Variants in AIM2 observed in about 807,000 individuals in gnomAD.
AIM2 encodes absent in melanoma 2.
Under a neutral mutation model 27.7 loss-of-function variants are expected in AIM2, and 30 were observed. The ratio of observed to expected loss-of-function variants is 1.08; its 90% CI spans 0.81 to 1.47. The LOEUF (loss-of-function observed/expected upper bound fraction) is 1.47, where lower values mean the gene tolerates loss of function less well. Ranked by LOEUF, AIM2 falls within the 40% of genes most tolerant of loss-of-function variation. The pLI is 0.00. For synonymous variants in AIM2, 141 were observed against 145.3 expected (o/e 0.97, Z 0.21); for missense variants, 358 against 411.3 (o/e 0.87, Z 1.12).
At chr1:159,123,313 T>C (rs543061989) in intron 1 of AIM2, among the ~76,000 whole-genome samples, 1 of 152,364 alleles carries the variant, frequency 6.6e-6, no homozygotes, top group South Asian at 2.1e-4. Context: ...AGGAGTAGGC[T>C]AAAGGCTGAA....
intron 1 of AIM2, among the ~76,000 whole-genome samples, chr1:159,134,784 A>T (rs1647983099): frequency 6.6e-6 from 1 of 152,194 alleles, no homozygotes. Flanking sequence ...GTGAGCTGAG[A>T]TCGCGACATT....
chr1:159,110,771 A>G (rs1182552297), intron 1 of AIM2, among the ~76,000 whole-genome samples: 1 of 152,218 alleles, frequency 6.6e-6, no homozygotes. Flanking sequence ...CAAGCAGACA[A>G]CTGAGATCAA....
intron 1 of AIM2, among the ~76,000 whole-genome samples, chr1:159,129,814 G>A (rs1223329046): frequency 6.6e-6 from 1 of 152,098 alleles, no homozygotes; most frequent in Non-Finnish European, 1.5e-5. Flanking sequence ...TAACTTCCAT[G>A]AGCATTTAAA....
intron 1 of AIM2, among the ~76,000 whole-genome samples, chr1:159,115,663 T>C (rs572422620): frequency 6.6e-5 from 10 of 152,148 alleles, no homozygotes; most frequent in East Asian, 1.9e-4. Context: ...CCCTTCCTTA[T>C]ACCTTACACA....
downstream of AIM2, among the ~76,000 whole-genome samples, chr1:159,060,370 A>G (rs559386581): frequency 2.0e-5 from 3 of 152,360 alleles, no homozygotes; most frequent in Admixed American, 2.0e-4. Flanking sequence ...CAGAATATCA[A>G]AAACATCCAT....
Position 159,098,770 on chromosome 1 carries a change from A to G in AIM2, c.-15-32441T>C, listed in dbSNP as rs552556462. Among the ~76,000 whole-genome samples the G allele has an allele frequency of 1.9e-4, 29 of 152,348 alleles. 1 individual carries two copies. In the South Asian group the frequency reaches 6.0e-3, roughly 32 times the overall value. On this transcript the variant is annotated intron_variant, in intron 1 of 2. Transcript: ENST00000368129. ...ATCTTCTGAGCATGTGCCATACTCC[A>G]TATGTACCATGTGCTGGAGATACAG...
At chr1:159,087,792 T>C (rs929319013) in intron 1 of AIM2, among the ~76,000 whole-genome samples, 9 of 152,102 alleles carry the variant, frequency 5.9e-5, no homozygotes, top group South Asian at 2.1e-4. Flanking sequence ...AGGCTAGTCT[T>C]GAGCTCCTGA....
intron 1 of AIM2, among the ~76,000 whole-genome samples, chr1:159,109,187 T>C (rs1261898047): frequency 2.0e-5 from 3 of 152,050 alleles, no homozygotes; most frequent in Non-Finnish European, 4.4e-5. Flanking sequence ...CAGTACAGCA[T>C]ACTCTACTGG....
At chr1:159,074,463 C>A (rs1160330607) in intron 1 of AIM2, among the ~76,000 whole-genome samples, 1 of 150,934 alleles carries the variant, frequency 6.6e-6, no homozygotes, top group African/African-American at 2.4e-5. Flanking sequence ...TTTTTTTTTA[C>A]CTTTGCAAAA....
At chr1:159,094,453 T>C (rs1046253439) in intron 1 of AIM2, among the ~76,000 whole-genome samples, 2 of 152,158 alleles carry the variant, frequency 1.3e-5, no homozygotes, top group Non-Finnish European at 2.9e-5. Context: ...TTCCAGCACT[T>C]TGAGAGGCCG....
chr1:159,079,969 T>A (rs765007768), upstream of AIM2, among the ~76,000 whole-genome samples: 4 of 152,196 alleles, frequency 2.6e-5, no homozygotes, highest in Admixed American at 6.5e-5. Context: ...CTTCTTTCAC[T>A]TGGTAATCTG....
Position 159,117,315 on chromosome 1 carries a change from T to C in AIM2, c.-16+23116A>G, listed in dbSNP as rs182988597. Among the ~76,000 whole-genome samples the C allele has an allele frequency of 2.0e-5, 3 of 152,332 alleles. No homozygotes were observed. The East Asian group carries it at 5.8e-4, about 29-fold the overall frequency. On this transcript the variant is annotated intron_variant, in intron 1 of 2. Coordinates refer to the AIM2 transcript ENST00000368129. ...CTTAAAAAAGATCAGATTAGGATTC[T>C]AGAGGCATCAGAAAAACATGTGCTC... is the stretch of plus-strand genomic sequence containing the variant.
At chr1:159,118,897 G>C (rs1647455505) in intron 1 of AIM2, among the ~76,000 whole-genome samples, 2 of 151,746 alleles carry the variant, frequency 1.3e-5, no homozygotes. Flanking sequence ...ATCAGTTTTT[G>C]CATCGGTAAC....
At chr1:159,144,809 T>C (rs1054319285), upstream of AIM2, among the ~76,000 whole-genome samples, 4 of 152,176 alleles carry the variant, frequency 2.6e-5, no homozygotes, top group Admixed American at 2.6e-4. Flanking sequence ...TTCCCTTTGG[T>C]CCAATTAAAT....
intron 1 of AIM2, among the ~76,000 whole-genome samples, chr1:159,109,192 T>C (rs189794836): frequency 1.3e-5 from 2 of 152,230 alleles, no homozygotes; most frequent in Admixed American, 1.3e-4. Context: ...CAGCATACTC[T>C]ACTGGTATAA....
At chr1:159,138,137 G>C (rs1337380942) in intron 1 of AIM2, among the ~76,000 whole-genome samples, 1 of 152,184 alleles carries the variant, frequency 6.6e-6, no homozygotes, top group African/African-American at 2.4e-5. Context: ...TAGTAGAGAA[G>C]AATTGAAGAA....
intron 1 of AIM2, among the ~76,000 whole-genome samples, chr1:159,112,774 AG>A (rs1204884997): frequency 6.6e-5 from 10 of 152,294 alleles, no homozygotes; most frequent in Admixed American, 5.9e-4. Context: ...TAAAGGAAAT[AG>A]AAGTTAAAAT....
intron 1 of AIM2, among the ~76,000 whole-genome samples, chr1:159,106,142 G>A (rs1179478422): frequency 1.3e-5 from 2 of 152,142 alleles, no homozygotes; most frequent in African/African-American, 4.8e-5. Flanking sequence ...AGGGGGAGAG[G>A]GGGCTTCCAA....
intron 1 of AIM2, among the ~76,000 whole-genome samples, chr1:159,083,631 TACTC>T (rs1557899340): frequency 6.6e-6 from 1 of 152,226 alleles, no homozygotes; most frequent in Non-Finnish European, 1.5e-5. Flanking sequence ...CTCTACTAAA[TACTC>T]ACCCAAGTAT....
Sources: allele counts gnomAD v4.1 joint callset (sites outside exome capture counted in the v4.1 genomes callset), GRCh38; gene constraint gnomAD v4.1.1; transcripts MANE v1.5; gene names NCBI Gene and HGNC (gene_info 2026-07-23, HGNC 2026-07-21).